The following BRSK2 variants were observed in gnomAD, a reference collection of about 807,000 sequenced individuals.
The protein encoded by BRSK2 is BR serine/threonine kinase 2.
A neutral mutation model predicts 83.3 loss-of-function variants in BRSK2; 19 were observed. The ratio of observed to expected loss-of-function variants is 0.23; its 90% CI spans 0.16 to 0.33. BRSK2 has a LOEUF of 0.33. Among genes scored for constraint, BRSK2 ranks in the 10% least tolerant of loss-of-function variants. The pLI is 1.00. For synonymous variants in BRSK2, 519 were observed against 435.4 expected, an observed-to-expected ratio of 1.19 and a Z score of -2.39; for missense variants, 798 against 1,042.3, an observed-to-expected ratio of 0.77 and a Z score of 3.23.
At chr11:1,408,969 T>G (rs61082503) in intron 1 of BRSK2, among the ~76,000 whole-genome samples, 80,332 of 150,074 alleles carry the variant, frequency 0.54, 22,603 homozygotes, top group African/African-American at 0.66. Context: ...CCTGTGCAGG[T>G]GTGTGTGTGT....
Position 1,454,445 on chromosome 11 carries a change from C to A in BRSK2, c.1545-40C>A. ...AGGGAGGCAGGGGTGTGGACGGTGCCACACCTCAATCCTCACAGCCTCTGT... is the reference window on the plus strand; with the variant it reads ...AGGGAGGCAGGGGTGTGGACGGTGCAACACCTCAATCCTCACAGCCTCTGT... On this transcript the variant is annotated intron_variant, in intron 15 of 19. Coordinates refer to ENST00000528841, the MANE Select transcript of BRSK2 (RefSeq NM_001256627.2). The surrounding 1 kb of genome is among the most constrained non-coding windows in gnomAD (Gnocchi z 5.2). 6.2e-7 allele frequency: 1 copy of A among 1,610,770 alleles called. No individual in the cohort carries two copies. The highest frequency in any genetic ancestry group is 1.1e-5 in the South Asian group (1 of 90,898).
intron 3 of BRSK2, among the ~76,000 whole-genome samples, chr11:1,439,127 G>A (rs1425904367): frequency 1.3e-5 from 2 of 152,170 alleles, no homozygotes; most frequent in Non-Finnish European, 2.9e-5. Flanking sequence ...GATCCTAGCC[G>A]GGCATCTCTG....
At position 1,454,190 on chromosome 11, in the gene BRSK2, GA is replaced by G. The variant is rs148190768; in HGVS notation, c.1545-294del. On this transcript the variant is annotated intron_variant, in intron 15 of 19. Transcript: ENST00000528841. The surrounding 1 kb of genome is among the most constrained non-coding windows in gnomAD (Gnocchi z 5.2). ...CTCACCTGTGGGGGGCTCACCTGTGGAGGGGCATCCCCAGACTTGGGAGTGG... is the reference window on the plus strand; with the variant it reads ...CTCACCTGTGGGGGGCTCACCTGTGGGGGGCATCCCCAGACTTGGGAGTGG... The G allele has an allele frequency of 7.7e-4, 230 of 297,746 alleles. No homozygotes were observed. Among genetic ancestry groups the G allele is most frequent in the Admixed American group, 1.7e-3 (38 of 22,544 alleles). 18.4% of individuals were successfully genotyped at this position (297,746 alleles called of 1,614,324 possible). A position where few individuals can be genotyped will look rare whatever the true frequency, so the allele number is the denominator to read the frequency against.
In BRSK2 at chr11:1,450,694, G is replaced by A. The variant is rs370281113; in HGVS notation, c.1395G>A (p.Pro465=). Residue 465 remains proline, a synonymous_variant, in exon 14 of 20, where the codon CCG becomes CCA. Coordinates refer to ENST00000528841, the MANE Select transcript of BRSK2 (RefSeq NM_001256627.2). ...SPAGTPNPTP[P]SSPSVGGVPW... ...CTGGCACGCCCAACCCCACGCCCCC[G>A]TCCAGCCCCAGCGTCGGAGGGGTGC... 168 of 1,608,750 alleles carry A rather than the reference G, an allele frequency of 1.0e-4. No homozygotes were observed. Among genetic ancestry groups the A allele is most frequent in the Admixed American group, 1.7e-4 (10 of 59,192 alleles).
intron 15 of BRSK2, among the ~76,000 whole-genome samples, chr11:1,452,484 C>T (rs772582606): frequency 6.6e-6 from 1 of 152,276 alleles, no homozygotes; most frequent in Non-Finnish European, 1.5e-5. Flanking sequence ...AGGTGGAAAA[C>T]ATCAAAGCCG....
intron 1 of BRSK2, among the ~76,000 whole-genome samples, chr11:1,420,649 C>G (rs1039069438): frequency 2.6e-5 from 4 of 152,204 alleles, no homozygotes; most frequent in African/African-American, 9.6e-5. Context: ...ATCTCCACCC[C>G]CTTGGTCCCC....
rs1590682225 is a variant in BRSK2 at position 1,454,512 on chromosome 11, C to T, written c.1572C>T (p.Asn524=). The change falls in exon 16 of 20, where the codon AAC becomes AAT. Residue 524 remains asparagine (N), a synonymous_variant. Coordinates refer to ENST00000528841, the MANE Select transcript of BRSK2 (RefSeq NM_001256627.2). The surrounding 1 kb of genome is among the most constrained non-coding windows in gnomAD (Gnocchi z 5.2). The part of the protein sequence containing the change: ...PELAKKSWFG[N]FISLEKEEQI... The stretch of plus-strand genomic sequence containing the variant: ...TGGCGAAGAAGTCCTGGTTTGGGAA[C>T]TTCATCAGCCTGGAGAAGGAGGAGC... The T allele has an allele frequency of 6.2e-7, 1 of 1,613,218 alleles. No homozygotes were observed. The highest frequency in any genetic ancestry group is 1.7e-4 in the Middle Eastern group (1 of 6,056).
chr11:1,392,064 G>C (rs186223980), intron 1 of BRSK2, among the ~76,000 whole-genome samples: 1 of 152,334 alleles, frequency 6.6e-6, no homozygotes, highest in East Asian at 1.9e-4. Flanking sequence ...AGTTATGACG[G>C]GCAGAGCGCA....
chr11:1,425,617 A>C (rs1849124763), intron 1 of BRSK2, among the ~76,000 whole-genome samples: 1 of 151,788 alleles, frequency 6.6e-6, no homozygotes, highest in South Asian at 2.1e-4. Flanking sequence ...GAGGCTCTTC[A>C]CCTACAGGGG....
In BRSK2 at chr11:1,438,870, C is replaced by T. The variant is rs553480424; in HGVS notation, c.272+479C>T. Among the ~76,000 whole-genome samples the T allele has an allele frequency of 2.2e-4, 34 of 152,308 alleles. No individual in the cohort carries two copies. Among genetic ancestry groups the T allele is most frequent in the South Asian group, 6.2e-4 (3 of 4,826 alleles). ...GGCTGAGTGTGGCTGAAAGTGTCAC[C>T]TCCGCAGCCGCTGAGGCCAGCAGAA... On this transcript the variant is annotated intron_variant, in intron 3 of 19. Coordinates refer to ENST00000528841, the MANE Select transcript of BRSK2 (RefSeq NM_001256627.2). The surrounding 1 kb of genome is among the most constrained non-coding windows in gnomAD (Gnocchi z 6.4).
chr11:1,458,562 C>A (rs559438975), intron 18 of BRSK2, among the ~76,000 whole-genome samples: 1 of 152,206 alleles, frequency 6.6e-6, no homozygotes, highest in Admixed American at 6.5e-5. Flanking sequence ...GCCCACCCCC[C>A]CAGAGACTGC....
intron 8 of BRSK2, among the ~76,000 whole-genome samples, chr11:1,443,983 T>C (rs148855889): frequency 0.026 from 4,002 of 152,220 alleles, 62 homozygotes; most frequent in Non-Finnish European, 0.033. Flanking sequence ...CCCAGGCACA[T>C]GCCCAGGTTC....
At chr11:1,451,507 G>A in intron 15 of BRSK2, 88 bp downstream of exon 15, 4 of 1,408,910 alleles carry the variant, frequency 2.8e-6, no homozygotes, top group Non-Finnish European at 3.0e-6. Context: ...TGGCCAACGG[G>A]GTGCTCCTTC....
In BRSK2 at chr11:1,433,570, A is replaced by G. The variant is rs1849873373; in HGVS notation, c.92-2470A>G. ...TTGCAGCCAGGTTTGGGGGACATTG[A>G]GCTCTTGCTCCTTTCCGTGTGTGGG... On this transcript the variant is annotated intron_variant, in intron 1 of 19. Transcript: ENST00000528841. Among the ~76,000 whole-genome samples, 4 of 152,312 alleles carry G rather than the reference A, an allele frequency of 2.6e-5. No individual in the cohort carries two copies. The South Asian group carries it at 6.2e-4, about 24-fold the overall frequency.
chr11:1,438,633 C>T lies in BRSK2; in HGVS notation c.272+242C>T, dbSNP rs540513516. 2.0e-5 allele frequency among the ~76,000 whole-genome samples: 3 copies of T among 152,136 alleles called. No individual in the cohort carries two copies. The highest frequency in any genetic ancestry group is 4.4e-5 in the Non-Finnish European group (3 of 68,010). On this transcript the variant is annotated intron_variant, in intron 3 of 19. Coordinates refer to ENST00000528841, the MANE Select transcript of BRSK2 (RefSeq NM_001256627.2). This position sits in a 1 kb window ranked among gnomAD's most constrained non-coding sequence, Gnocchi z 6.4. ...TGTGGAGGCTCGCAGAGCCACCAGC[C>T]TGAGGCTGGCAAGGGGGAACAGGAC...
rs1341145427 is a variant in BRSK2, at chr11:1,454,285, C to G, written c.1545-200C>G. The G allele has an allele frequency of 1.7e-6, 1 of 582,254 alleles. No homozygotes were observed. Among genetic ancestry groups the G allele is most frequent in the African/African-American group, 1.9e-5 (1 of 52,112 alleles). The allele number at this position is 582,254 out of a possible 1,614,324, so 36.1% of individuals were successfully genotyped here. A position where few individuals can be genotyped will look rare whatever the true frequency, so the allele number is the denominator to read the frequency against. ...GTTAGGGTTGGGGTTGGGGTTAGAG[C>G]CACGGTGATGGTCAGGGCATATGGG... On this transcript the variant is annotated intron_variant, in intron 15 of 19. Transcript: ENST00000528841. The surrounding 1 kb of genome is among the most constrained non-coding windows in gnomAD (Gnocchi z 5.2).
In BRSK2 at chr11:1,442,872, G is replaced by T. The variant is rs565448122; in HGVS notation, c.531-234G>T. On this transcript the variant is annotated intron_variant, in intron 5 of 19. Coordinates refer to ENST00000528841, the MANE Select transcript of BRSK2 (RefSeq NM_001256627.2). ...GACCCACTTACATGCCCCTCTCCTG[G>T]GGACCCCCTGGCCCCTGCCCAGCCG... 6.8e-3 allele frequency among the ~76,000 whole-genome samples: 1,041 copies of T among 152,242 alleles called. 15 individuals carry two copies. The highest frequency in any genetic ancestry group is 0.024 in the African/African-American group (1,006 of 41,542).
chr11:1,454,577 T>C lies in BRSK2; in HGVS notation c.1637T>C (p.Ile546Thr). Reference sequence around the variant, plus strand: ...ATCAAAGACAAACCTCTGAGCTCCATCAAGGCTGACATCGTGCACGCCTTC... The same window carrying C: ...ATCAAAGACAAACCTCTGAGCTCCACCAAGGCTGACATCGTGCACGCCTTC... Reference protein sequence around the residue: ...VVIKDKPLSSIKADIVHAFLS... With the variant: ...VVIKDKPLSSTKADIVHAFLS... Residue 546 changes from isoleucine to threonine, a missense_variant, in exon 16 of 20, where the codon ATC becomes ACC. Ile to Thr is a moderately conservative substitution (Grantham distance 89, BLOSUM62 -1). Coordinates refer to ENST00000528841, the MANE Select transcript of BRSK2 (RefSeq NM_001256627.2). This position sits in a 1 kb window ranked among gnomAD's most constrained non-coding sequence, Gnocchi z 5.2. The C allele has an allele frequency of 6.2e-7, 1 of 1,613,160 alleles. No individual in the cohort carries two copies. Among genetic ancestry groups the C allele is most frequent in the Non-Finnish European group, 8.5e-7 (1 of 1,179,944 alleles).
chr11:1,447,608 C>G (rs1425388823), intron 12 of BRSK2, among the ~76,000 whole-genome samples: 3 of 152,114 alleles, frequency 2.0e-5, no homozygotes. Context: ...TGGGGGCTAC[C>G]AGGCCACCCT....
Sources: allele counts gnomAD v4.1 joint callset (sites outside exome capture counted in the v4.1 genomes callset), GRCh38; gene constraint gnomAD v4.1.1; non-coding constraint Gnocchi (gnomAD v3.1); transcripts MANE v1.5; gene names NCBI Gene and HGNC (gene_info 2026-07-23, HGNC 2026-07-21).